SRP9: variants seen among roughly 807,000 people sequenced by gnomAD.
The protein encoded by SRP9 is signal recognition particle 9.
A neutral mutation model predicts 11.7 loss-of-function variants in SRP9; 2 were observed. That is an observed-to-expected ratio of 0.17 (90% CI 0.07 to 0.54). The LOEUF (loss-of-function observed/expected upper bound fraction) is 0.54. Among genes scored for constraint, SRP9 ranks in the 20% least tolerant of loss-of-function variants. The pLI is 0.94. For synonymous variants in SRP9, 27 were observed against 35.6 expected (o/e 0.76, Z 0.86); for missense variants, 54 against 108.1 (o/e 0.50, Z 2.22).
chr1:225,781,395 CTTTTTTTTTTT>C (rs11315558), intron 1 of SRP9, among the ~76,000 whole-genome samples: 10 of 87,816 alleles, frequency 1.1e-4, no homozygotes, highest in East Asian at 3.9e-4. Flanking sequence ...TTTTCTTTTT[CTTTTTTTTTTT>C]TTTTTTTTTT....
chr1:225,784,404 G>A (rs186649411), intron 2 of SRP9, among the ~76,000 whole-genome samples: 1 of 141,412 alleles, frequency 7.1e-6, no homozygotes, highest in Non-Finnish European at 1.5e-5. Flanking sequence ...CCACCACCAC[G>A]CCCAGCTAAT....
chr1:225,781,682 C>T lies in SRP9; in HGVS notation c.73-1618C>T, dbSNP rs939130191. 1.1e-4 allele frequency among the ~76,000 whole-genome samples: 16 copies of T among 152,158 alleles called. 1 individual carries two copies. Among genetic ancestry groups the T allele is most frequent in the Non-Finnish European group, 2.4e-4 (16 of 68,032 alleles). ...AAGTGCTGGGATTATAGGCATGAGC[C>T]ACTGCACCCAGCCATGATTGGCCTT... On this transcript the variant is annotated intron_variant, in intron 1 of 2. Coordinates refer to ENST00000304786, the MANE Select transcript of SRP9 (RefSeq NM_003133.6).
chr1:225,786,223 T>G (rs955833652), intron 2 of SRP9, among the ~76,000 whole-genome samples: 2 of 152,238 alleles, frequency 1.3e-5, no homozygotes, highest in African/African-American at 4.8e-5. Context: ...AAAACCCAAC[T>G]TGAGGATTAC....
chr1:225,786,626 G>A (rs766876622), intron 2 of SRP9, among the ~76,000 whole-genome samples: 1 of 152,158 alleles, frequency 6.6e-6, no homozygotes, highest in African/African-American at 2.4e-5. Context: ...TAGTATACTA[G>A]ACATAGATTG....
rs184461856 is a variant in SRP9, at chr1:225,790,268, A to G, written c.*909A>G. 3 of 152,318 alleles carry G rather than the reference A, an allele frequency of 2.0e-5. No homozygotes were observed. Among genetic ancestry groups the G allele is most frequent in the Admixed American group, 2.0e-4 (3 of 15,310 alleles). The allele number at this position is 152,318 out of a possible 1,614,324, so 9.4% of individuals were successfully genotyped here. On this transcript the variant is annotated 3_prime_UTR_variant, in exon 3 of 3. Transcript: ENST00000304786. Reference sequence around the variant, plus strand: ...TGTTTTCCAGTAAACTAGAAGTACGATATTTGATAATTATATTTGTATTTC... The same window carrying G: ...TGTTTTCCAGTAAACTAGAAGTACGGTATTTGATAATTATATTTGTATTTC...
chr1:225,783,264 G>A (rs765001079), intron 1 of SRP9, 36 bp from the exon 2 acceptor site: 148 of 1,511,650 alleles, frequency 9.8e-5, no homozygotes, highest in Admixed American at 8.6e-4. Flanking sequence ...AATGTCATTT[G>A]TCTTCACTGT....
intron 2 of SRP9, chr1:225,786,784 T>TG (rs11441169): frequency 0.44 from 539,027 of 1,224,172 alleles, 123,798 homozygotes; most frequent in African/African-American, 0.64. Flanking sequence ...CTAACATGAG[T>TG]GCTTACCCTT....
chr1:225,789,071 T>C, intron 2 of SRP9, 169 bp from the exon 3 acceptor site: 1 of 1,551,144 alleles, frequency 6.4e-7, no homozygotes, highest in Non-Finnish European at 8.7e-7. Flanking sequence ...AGACATGGAA[T>C]TGCTGGAGGC....
intron 2 of SRP9, among the ~76,000 whole-genome samples, chr1:225,786,482 T>A (rs1665919669): frequency 2.0e-5 from 3 of 152,218 alleles, no homozygotes; most frequent in Non-Finnish European, 4.4e-5. Context: ...GGTCATATAT[T>A]GTATTTGTGT....
chr1:225,781,884 A>T (rs1248219128), intron 1 of SRP9, among the ~76,000 whole-genome samples: 1 of 152,192 alleles, frequency 6.6e-6, no homozygotes, highest in East Asian at 1.9e-4. Context: ...TATTCTAAAG[A>T]TAATTAACCT....
At chr1:225,782,582 G>A (rs3820231) in intron 1 of SRP9, among the ~76,000 whole-genome samples, 32,124 of 152,144 alleles carry the variant, frequency 0.21, 3,646 homozygotes, top group South Asian at 0.35. Context: ...TCGTGGAAGT[G>A]TTCTTGGGAG....
chr1:225,778,543 C>T (rs1271830804), intron 1 of SRP9, among the ~76,000 whole-genome samples: 2 of 152,168 alleles, frequency 1.3e-5, no homozygotes, highest in Non-Finnish European at 2.9e-5. Flanking sequence ...TGCACCTTTC[C>T]TCAGAAAAAT....
chr1:225,781,681 C>G (rs1665804139), intron 1 of SRP9, among the ~76,000 whole-genome samples: 1 of 152,194 alleles, frequency 6.6e-6, no homozygotes, highest in Non-Finnish European at 1.5e-5. Context: ...TAGGCATGAG[C>G]CACTGCACCC....
intron 2 of SRP9, among the ~76,000 whole-genome samples, chr1:225,785,679 C>CTT (rs59464847): frequency 0.029 from 3,507 of 123,018 alleles, 194 homozygotes; most frequent in African/African-American, 0.099. Context: ...TGTGCCTGGA[C>CTT]TTTTTTTTTT....
intron 1 of SRP9, among the ~76,000 whole-genome samples, chr1:225,780,568 C>T (rs1273611389): frequency 2.0e-5 from 3 of 152,124 alleles, no homozygotes; most frequent in African/African-American, 4.8e-5. Flanking sequence ...TGAACAATTA[C>T]AGCAACCCAT....
chr1:225,778,402 A>G (rs2102644828), intron 1 of SRP9, among the ~76,000 whole-genome samples: 1 of 152,248 alleles, frequency 6.6e-6, no homozygotes. Flanking sequence ...TGTATATAAA[A>G]CTGATGATGT....
At chr1:225,785,159 C>CCCA (rs1161992332) in intron 2 of SRP9, among the ~76,000 whole-genome samples, 1 of 151,736 alleles carries the variant, frequency 6.6e-6, no homozygotes, top group Non-Finnish European at 1.5e-5. Context: ...CAGCCTCCAC[C>CCCA]TCCTGGGTTC....
intron 1 of SRP9, among the ~76,000 whole-genome samples, chr1:225,782,584 T>G (rs935020352): frequency 7.9e-5 from 12 of 152,236 alleles, no homozygotes; most frequent in Non-Finnish European, 1.3e-4. Context: ...GTGGAAGTGT[T>G]CTTGGGAGAT....
chr1:225,786,349 CAT>C (rs1335113487), intron 2 of SRP9, among the ~76,000 whole-genome samples: 1 of 152,224 alleles, frequency 6.6e-6, no homozygotes, highest in Non-Finnish European at 1.5e-5. Flanking sequence ...AATATTCTTA[CAT>C]GTCTTATTTC....
Sources: gnomAD v4.1 joint callset for allele counts (sites outside exome capture counted in the v4.1 genomes callset) on GRCh38, gnomAD v4.1.1 for gene constraint, MANE v1.5 for transcripts, NCBI Gene and HGNC (gene_info 2026-07-23, HGNC 2026-07-21) for gene names.